RBFOX1: variants seen among roughly 807,000 people sequenced by gnomAD.
The protein encoded by RBFOX1 is RNA binding fox-1 homolog 1.
Under a neutral mutation model 57.7 loss-of-function variants are expected in RBFOX1, and 8 were observed. That is an observed-to-expected ratio of 0.14 (90% CI 0.08 to 0.25). RBFOX1 has a LOEUF of 0.25. Among genes scored for constraint, RBFOX1 ranks in the 10% least tolerant of loss-of-function variants. The pLI is 1.00. For synonymous variants in RBFOX1, 326 were observed against 222.4 expected, an observed-to-expected ratio of 1.47 and a Z score of -4.15; for missense variants, 611 against 548.5, an observed-to-expected ratio of 1.11 and a Z score of -1.14.
chr16:6,696,514 C>G (rs959367924), intron 3 of RBFOX1, among the ~76,000 whole-genome samples: 1 of 151,936 alleles, frequency 6.6e-6, no homozygotes. Context: ...TCATTGTAGC[C>G]GAATTAGATG....
At position 5,502,265 on chromosome 16, in the gene RBFOX1, C is replaced by G. The variant is rs115726167; in HGVS notation, c.258+35011C>G. Among the ~76,000 whole-genome samples the G allele has an allele frequency of 4.1e-3, 617 of 152,186 alleles. 8 individuals carry two copies. Among genetic ancestry groups the G allele is most frequent in the African/African-American group, 0.013 (556 of 41,540 alleles). ...ATCTTTAGGAAGAACGGCAGGGATG[C>G]CTTTCACCCCATGAAATGGAGAGAT... On this transcript the variant is annotated intron_variant, in intron 2 of 2. Transcript: ENST00000585867.
rs116012235 is a variant in RBFOX1, at chr16:6,879,557, G to T, written c.-15-172500G>T. On this transcript the variant is annotated intron_variant, in intron 3 of 15. Coordinates refer to ENST00000550418, the MANE Select transcript of RBFOX1 (RefSeq NM_018723.4). ...AATGAGATTATTCACTATACAGGTA[G>T]ATTCAACATAAGTTTCCATTATCAT... 3.2e-3 allele frequency among the ~76,000 whole-genome samples: 489 copies of T among 152,300 alleles called. 3 individuals carry two copies. The highest frequency in any genetic ancestry group is 0.011 in the African/African-American group (476 of 41,560).
At position 6,420,798 on chromosome 16, in the gene RBFOX1, A is replaced by T. The variant is rs530681027; in HGVS notation, c.-64+103741A>T. On this transcript the variant is annotated intron_variant, in intron 2 of 15. Coordinates refer to ENST00000550418, the MANE Select transcript of RBFOX1 (RefSeq NM_018723.4). ...GAGAGAGATGATTCAAGAGGCAAAG[A>T]TTGGGGAAATGAAGAAGACTTATTT... Among the ~76,000 whole-genome samples the T allele has an allele frequency of 9.2e-5, 14 of 152,300 alleles. No individual in the cohort carries two copies. In the South Asian group the frequency reaches 2.5e-3, roughly 27 times the overall value.
chr16:5,952,027 A>C (rs974055604), intron 4 of RBFOX1, among the ~76,000 whole-genome samples: 3 of 151,606 alleles, frequency 2.0e-5, no homozygotes, highest in African/African-American at 4.8e-5. Context: ...GCACACACAC[A>C]CATATATATA....
intron 2 of RBFOX1, among the ~76,000 whole-genome samples, chr16:6,360,613 G>T (rs774804769): frequency 6.6e-6 from 1 of 152,158 alleles, no homozygotes; most frequent in Non-Finnish European, 1.5e-5. Flanking sequence ...TCTGGTGAAG[G>T]ATGGACCATC....
intron 4 of RBFOX1, among the ~76,000 whole-genome samples, chr16:6,013,262 C>G (rs2094972699): frequency 6.6e-6 from 1 of 152,130 alleles, no homozygotes; most frequent in Admixed American, 6.5e-5. Context: ...AGCATATAAA[C>G]AAGCCTGCCC....
intron 5 of RBFOX1, among the ~76,000 whole-genome samples, chr16:7,566,291 A>G (rs566609163): frequency 1.2e-4 from 19 of 152,250 alleles, no homozygotes; most frequent in African/African-American, 3.8e-4. Context: ...TGGATGAGCT[A>G]GGGCCTCATT....
At chr16:5,616,602 C>G (rs1038190887) in intron 3 of RBFOX1, among the ~76,000 whole-genome samples, 1 of 148,078 alleles carries the variant, frequency 6.8e-6, no homozygotes, top group Non-Finnish European at 1.5e-5. Flanking sequence ...CCTCCTCCTC[C>G]TCTTCCCTCT....
chr16:5,753,347 A>T (rs924734843), intron 3 of RBFOX1, among the ~76,000 whole-genome samples: 3 of 152,174 alleles, frequency 2.0e-5, no homozygotes, highest in South Asian at 2.1e-4. Flanking sequence ...ATTTTACACT[A>T]TGTGCCCTGA....
chr16:6,868,313 G>C (rs74010140), intron 3 of RBFOX1, among the ~76,000 whole-genome samples: 152 of 152,228 alleles, frequency 1.0e-3, no homozygotes, highest in African/African-American at 3.5e-3. Flanking sequence ...TGAAGTAAGA[G>C]GATGGTAAAA....
rs573548894 is a variant in RBFOX1 at position 5,661,446 on chromosome 16, C to T, written c.318+62485C>T. Among the ~76,000 whole-genome samples the T allele has an allele frequency of 2.4e-4, 36 of 152,264 alleles. 3 individuals carry two copies. The highest frequency in any genetic ancestry group is 1.8e-3 in the Admixed American group (28 of 15,292). On this transcript the variant is annotated intron_variant, in intron 3 of 19. Transcript: ENST00000641259. ...AGCCTGCATCTCCTCAGGATAAGAA[C>T]AAAATTAATAACTCCTTCATATTAC... is the stretch of plus-strand genomic sequence containing the variant.
At chr16:6,058,072 C>G (rs1224424030) in intron 1 of RBFOX1, among the ~76,000 whole-genome samples, 1 of 152,008 alleles carries the variant, frequency 6.6e-6, no homozygotes, top group African/African-American at 2.4e-5. Flanking sequence ...GGAGCAAACG[C>G]AGACACACGG....
intron 2 of RBFOX1, among the ~76,000 whole-genome samples, chr16:6,527,568 T>A (rs535086551): frequency 7.9e-5 from 12 of 152,262 alleles, no homozygotes; most frequent in African/African-American, 2.9e-4. Flanking sequence ...CACATTTTTG[T>A]TTTATTATTT....
chr16:5,557,857 G>A (rs1167800758), intron 2 of RBFOX1, among the ~76,000 whole-genome samples: 1 of 152,170 alleles, frequency 6.6e-6, no homozygotes, highest in East Asian at 1.9e-4. Flanking sequence ...TCCTGGCCCC[G>A]TATAAACTCA....
intron 4 of RBFOX1, among the ~76,000 whole-genome samples, chr16:5,887,275 G>A (rs1193452596): frequency 6.6e-6 from 1 of 152,140 alleles, no homozygotes; most frequent in African/African-American, 2.4e-5. Context: ...ACCTGGCCCT[G>A]GACACCACAG....
chr16:7,348,981 G>A (rs1229878659), intron 4 of RBFOX1, among the ~76,000 whole-genome samples: 1 of 152,076 alleles, frequency 6.6e-6, no homozygotes, highest in African/African-American at 2.4e-5. Context: ...AGATTGATCG[G>A]CTCCAGTCAA....
chr16:5,709,984 C>A (rs1369618096), intron 3 of RBFOX1, among the ~76,000 whole-genome samples: 3 of 148,568 alleles, frequency 2.0e-5, no homozygotes, highest in African/African-American at 7.5e-5. Context: ...GGTGTTGGGT[C>A]TCTAACTCAG....
intron 3 of RBFOX1, among the ~76,000 whole-genome samples, chr16:6,771,465 A>G (rs187077428): frequency 8.6e-4 from 131 of 152,284 alleles, no homozygotes; most frequent in African/African-American, 2.7e-3. Flanking sequence ...TATGATCCAG[A>G]TAGCAGAGAG....
intron 4 of RBFOX1, among the ~76,000 whole-genome samples, chr16:7,463,801 G>A (rs955575046): frequency 1.3e-5 from 2 of 152,110 alleles, no homozygotes; most frequent in Non-Finnish European, 2.9e-5. Flanking sequence ...AACGACAACA[G>A]CTGCTATTTT....
Sources: allele counts gnomAD v4.1 joint callset (sites outside exome capture counted in the v4.1 genomes callset), GRCh38; gene constraint gnomAD v4.1.1; transcripts MANE v1.5; gene names NCBI Gene and HGNC (gene_info 2026-07-23, HGNC 2026-07-21).